SH3D19: variants seen among roughly 807,000 people sequenced by gnomAD.
SH3D19 encodes SH3 domain containing 19, also known as SH3 domain-containing protein 19.
Under a neutral mutation model 112.1 loss-of-function variants are expected in SH3D19, and 58 were observed. The ratio of observed to expected loss-of-function variants is 0.52; its 90% CI spans 0.42 to 0.64. The LOEUF (loss-of-function observed/expected upper bound fraction) is 0.64. Among genes scored for constraint, SH3D19 ranks in the 30% least tolerant of loss-of-function variants. The pLI, the probability that SH3D19 is intolerant of heterozygous loss-of-function variation, is 0.00. For synonymous variants in SH3D19, 391 were observed against 448.5 expected (o/e 0.87, Z 1.62); for missense variants, 1,090 against 1,263.4 (o/e 0.86, Z 2.08).
chr4:151,195,747 A>G (rs1763366034), intron 2 of SH3D19, among the ~76,000 whole-genome samples: 1 of 152,124 alleles, frequency 6.6e-6, no homozygotes, highest in Non-Finnish European at 1.5e-5. Context: ...AATTAAAAAA[A>G]TAATTACAGC....
intron 9 of SH3D19, among the ~76,000 whole-genome samples, chr4:151,154,782 G>A (rs964573698): frequency 4.0e-5 from 6 of 151,780 alleles, no homozygotes; most frequent in South Asian, 2.1e-4. Context: ...TTCTGGAGAC[G>A]AGTCTTGCTC....
rs756886624 is a variant in SH3D19, at chr4:151,282,208, G to A, written c.112+43033C>T. 9 of 1,613,786 alleles carry A rather than the reference G, an allele frequency of 5.6e-6. No individual in the cohort carries two copies. In the African/African-American group the frequency reaches 1.2e-4, roughly 22 times the overall value. On this transcript the variant is annotated intron_variant, in intron 1 of 19. Transcript: ENST00000604030. Reference sequence around the variant, plus strand: ...GATCGATTACAGTAGGTGACTCAAGGAAACGTGTGAAGTACTACGTGTCCA... The same window carrying A: ...GATCGATTACAGTAGGTGACTCAAGAAAACGTGTGAAGTACTACGTGTCCA...
chr4:151,278,743 G>T (rs1773891511), intron 1 of SH3D19, among the ~76,000 whole-genome samples: 1 of 151,606 alleles, frequency 6.6e-6, no homozygotes, highest in African/African-American at 2.4e-5. Context: ...CAATCCTCCT[G>T]CTTCAGCCTC....
At chr4:151,257,064 CTTATTTAT>C (rs144394422) in intron 1 of SH3D19, among the ~76,000 whole-genome samples, 6 of 151,818 alleles carry the variant, frequency 4.0e-5, no homozygotes, top group Admixed American at 6.6e-5. Flanking sequence ...TTCTTTTCTT[CTTATTTAT>C]TTATTTATTT....
In SH3D19 at chr4:151,233,895, G is replaced by A. The variant is rs191981536; in HGVS notation, c.113-7809C>T. 6.6e-5 allele frequency among the ~76,000 whole-genome samples: 10 copies of A among 152,310 alleles called. No individual in the cohort carries two copies. In the East Asian group the frequency reaches 1.9e-3, roughly 29 times the overall value. On this transcript the variant is annotated intron_variant, in intron 1 of 19. Coordinates refer to ENST00000604030, the MANE Select transcript of SH3D19 (RefSeq NM_001378122.1). ...TGATGTAGGCAGGGTCTCTGTGTTA[G>A]ACTCTGCTTCACAGTCAGTACTCTG...
chr4:151,289,342 T>C (rs1382779182), intron 1 of SH3D19, among the ~76,000 whole-genome samples: 4 of 152,196 alleles, frequency 2.6e-5, no homozygotes, highest in Middle Eastern at 3.2e-3. Flanking sequence ...TTAGATATGT[T>C]ATCAAAAGCA....
At chr4:151,269,620 G>C (rs575112392) in intron 1 of SH3D19, among the ~76,000 whole-genome samples, 1 of 151,898 alleles carries the variant, frequency 6.6e-6, no homozygotes, top group South Asian at 2.1e-4. Context: ...ATTTTTAAAA[G>C]TTTTCTTTAA....
rs190159542 is a variant in SH3D19, at chr4:151,228,201, C to G, written c.113-2115G>C. Among the ~76,000 whole-genome samples the G allele has an allele frequency of 2.9e-3, 436 of 152,210 alleles. 5 individuals are homozygous for G. The highest frequency in any genetic ancestry group is 0.026 in the Admixed American group (392 of 15,292). On this transcript the variant is annotated intron_variant, in intron 1 of 19. Coordinates refer to ENST00000604030, the MANE Select transcript of SH3D19 (RefSeq NM_001378122.1). The stretch of plus-strand genomic sequence containing the variant: ...GGGGGAAATTTTAAAATTTTCCCCC[C>G]AAATTCACTATTAGTGTTATCTGTG...
chr4:151,153,458 G>A (rs550460100), intron 9 of SH3D19, among the ~76,000 whole-genome samples: 1 of 152,142 alleles, frequency 6.6e-6, no homozygotes, highest in East Asian at 1.9e-4. Context: ...TGTTGGTCAG[G>A]CTGGTCTCGA....
rs750231556 is a variant in SH3D19, at chr4:151,135,121, T to C, written c.2439A>G (p.Pro813=). Residue 813 remains proline, a synonymous_variant, in exon 15 of 20, where the codon CCA becomes CCG. Transcript: ENST00000604030. ...ATTCTCTTTTCCCATTTCCTCCTTC[T>C]GGGATATCAATCTAGCAAAGATAAA... ...ANYVKVIIDI[P]EGGNGKRECV... 4 of 1,604,218 alleles carry C rather than the reference T, an allele frequency of 2.5e-6. No individual in the cohort carries two copies. The Admixed American group carries it at 6.9e-5, about 28-fold the overall frequency.
intron 1 of SH3D19, among the ~76,000 whole-genome samples, chr4:151,246,280 C>T (rs1480121125): frequency 6.6e-6 from 1 of 152,142 alleles, no homozygotes; most frequent in East Asian, 1.9e-4. Flanking sequence ...TTCAGGGTAA[C>T]ATCTGAATTA....
intron 1 of SH3D19, among the ~76,000 whole-genome samples, chr4:151,283,712 T>C (rs1410786737): frequency 6.6e-6 from 1 of 151,930 alleles, no homozygotes; most frequent in Non-Finnish European, 1.5e-5. Context: ...TTTGTAGAGA[T>C]GAGGTCTCAC....
At chr4:151,170,501 GCA>G (rs1038428037) in intron 7 of SH3D19, 3 of 152,164 alleles carry the variant, frequency 2.0e-5, no homozygotes, top group African/African-American at 7.2e-5. Flanking sequence ...AGGAAATAAT[GCA>G]GATATAAAAT....
At chr4:151,203,559 G>C (rs1013110698) in intron 2 of SH3D19, among the ~76,000 whole-genome samples, 1 of 152,122 alleles carries the variant, frequency 6.6e-6, no homozygotes, top group Non-Finnish European at 1.5e-5. Context: ...ACTGCCCTCA[G>C]GTGGGGATGC....
At chr4:151,230,025 G>T (rs1376146884) in intron 1 of SH3D19, among the ~76,000 whole-genome samples, 1 of 152,218 alleles carries the variant, frequency 6.6e-6, no homozygotes, top group Non-Finnish European at 1.5e-5. Flanking sequence ...GGAACCCATG[G>T]TATGTCAAGG....
chr4:151,236,482 C>T (rs996846301), intron 1 of SH3D19, among the ~76,000 whole-genome samples: 4 of 150,940 alleles, frequency 2.7e-5, no homozygotes, highest in Non-Finnish European at 5.9e-5. Flanking sequence ...GAGAACTTTT[C>T]TGTCTAGCTA....
intron 1 of SH3D19, among the ~76,000 whole-genome samples, chr4:151,280,450 A>G (rs1000111475): frequency 6.6e-6 from 1 of 152,216 alleles, no homozygotes; most frequent in Non-Finnish European, 1.5e-5. Flanking sequence ...TTGCAGCCAC[A>G]TGAGAAACCT....
intron 12 of SH3D19, among the ~76,000 whole-genome samples, chr4:151,142,820 G>A (rs1432835206): frequency 6.6e-6 from 1 of 152,178 alleles, no homozygotes; most frequent in African/African-American, 2.4e-5. Context: ...GAACCCAGAA[G>A]CATAAAGGAG....
chr4:151,237,025 G>C (rs1158004361), intron 1 of SH3D19, among the ~76,000 whole-genome samples: 1 of 152,232 alleles, frequency 6.6e-6, no homozygotes, highest in Non-Finnish European at 1.5e-5. Flanking sequence ...TACTGTGGAA[G>C]CTTTGTTCTT....
Sources: allele counts gnomAD v4.1 joint callset (sites outside exome capture counted in the v4.1 genomes callset), GRCh38; gene constraint gnomAD v4.1.1; transcripts MANE v1.5; gene names NCBI Gene and HGNC (gene_info 2026-07-23, HGNC 2026-07-21).